Variants in TBX6 observed in about 807,000 individuals in gnomAD.
TBX6 encodes the protein T-box transcription factor TBX6.
Under a neutral mutation model 42.3 loss-of-function variants are expected in TBX6, and 29 were observed. That is an observed-to-expected ratio of 0.69 (90% CI 0.51 to 0.93). The LOEUF is 0.93. TBX6 is among the 40% of genes least tolerant of loss of function. The pLI is 0.00. For synonymous variants in TBX6, 249 were observed against 245.1 expected (o/e 1.02, Z -0.15); for missense variants, 569 against 603.3 (o/e 0.94, Z 0.59).
rs866620210 is a variant in TBX6 at position 30,086,569 on chromosome 16, T to G, written c.1040A>C (p.Glu347Ala). The G allele has an allele frequency of 1.3e-6, 2 of 1,545,788 alleles. No homozygotes were observed. The highest frequency in any genetic ancestry group is 3.6e-4 in the Middle Eastern group (2 of 5,520). The change falls in exon 8 of 9, where the codon GAG becomes GCG. Residue 347 changes from glutamate to alanine, a missense_variant. This residue lies in a region of TBX6 where 245 missense variants were observed against 227.4 expected (regional missense o/e 1.08). Coordinates refer to ENST00000395224, the MANE Select transcript of TBX6 (RefSeq NM_004608.4). The surrounding 1 kb of genome is among the most constrained non-coding windows in gnomAD (Gnocchi z 4.6). Reference protein sequence around the residue: ...PAPLCGGPSAEAYLLHPAAFH... With the variant: ...PAPLCGGPSAAAYLLHPAAFH... The stretch of plus-strand genomic sequence containing the variant: ...AGCCGCAGGGTGCAGGAGGTAGGCC[T>G]CAGCACTGGGGCCACCACACAGAGG...
Position 30,088,817 on chromosome 16 carries a change from T to A in TBX6, c.644A>T (p.Lys215Met), listed in dbSNP as rs375575717. 34 of 1,613,984 alleles carry A rather than the reference T, an allele frequency of 2.1e-5. No homozygotes were observed. Among genetic ancestry groups the A allele is most frequent in the African/African-American group, 2.7e-5 (2 of 74,910 alleles). The change falls in exon 5 of 9, where the codon AAG becomes ATG. Residue 215 changes from lysine (K) to methionine (M), a missense_variant. Around this residue, in one of 3 missense-constraint regions of TBX6, gnomAD observed 190 missense variants for 250.6 expected, o/e 0.76. Coordinates refer to ENST00000395224, the MANE Select transcript of TBX6 (RefSeq NM_004608.4). This position sits in a 1 kb window ranked among gnomAD's most constrained non-coding sequence, Gnocchi z 4.1. ...AACTAGGTGTATGCGGGGTTGGTAC[T>A]TGTGCATGGAGTGCAGGATCAGCTG... ...HGHLILHSMH[K>M]YQPRIHLVRA...
In TBX6 at chr16:30,091,313, T is replaced by G; in HGVS notation, c.-48-72A>C. ...CCAGGATCACAGCCCCTCCCCTCTT[T>G]GGGGCCCTGGAGTTGGGCTGGGGTG... is the stretch of plus-strand genomic sequence containing the variant. On this transcript the variant is annotated intron_variant, in intron 1 of 8. Transcript: ENST00000395224. The G allele has an allele frequency of 3.4e-6, 3 of 878,870 alleles. No homozygotes were observed. The South Asian group carries it at 5.4e-5, about 16-fold the overall frequency. The allele number at this position is 878,870 out of a possible 1,614,324, so 54.4% of individuals were successfully genotyped here.
Position 30,086,407 on chromosome 16 carries a change from C to G in TBX6, c.1129G>C (p.Gly377Arg), listed in dbSNP as rs373040194. The G allele has an allele frequency of 1.3e-6, 2 of 1,546,202 alleles. No individual in the cohort carries two copies. The highest frequency in any genetic ancestry group is 1.7e-6 in the Non-Finnish European group (2 of 1,153,624). ...SPSFPEAPDS[G>R]RSAPYSAAFL... ...GCAGCCGAGTAGGGGGCTGAGCGCC[C>G]GGAGTCTGGAGCCTCCGGGAAGCTG... The change falls in exon 9 of 9, where the codon GGG becomes CGG. Residue 377 changes from glycine (G) to arginine (R), a missense_variant. Around this residue, in one of 3 missense-constraint regions of TBX6, gnomAD observed 245 missense variants for 227.4 expected, o/e 1.08. Coordinates refer to ENST00000395224, the MANE Select transcript of TBX6 (RefSeq NM_004608.4). The surrounding 1 kb of genome is among the most constrained non-coding windows in gnomAD (Gnocchi z 4.6).
rs2072621139 is a variant in TBX6, at chr16:30,086,066, G to A, written c.*159C>T. 3 of 675,822 alleles carry A rather than the reference G, an allele frequency of 4.4e-6. No homozygotes were observed. The East Asian group carries it at 9.6e-5, about 22-fold the overall frequency. 41.9% of individuals were successfully genotyped at this position (675,822 alleles called of 1,614,324 possible). A position where few individuals can be genotyped will look rare whatever the true frequency, so the allele number is the denominator to read the frequency against. On this transcript the variant is annotated 3_prime_UTR_variant, in exon 9 of 9. Coordinates refer to ENST00000395224, the MANE Select transcript of TBX6 (RefSeq NM_004608.4). The surrounding 1 kb of genome is among the most constrained non-coding windows in gnomAD (Gnocchi z 4.6). ...TGGTTAGGCTTTGAAGCCAGAGGGG[G>A]GTGGGAGTGAAATCAAGGTGTGAAG...
In TBX6 at chr16:30,088,948, C is replaced by A; in HGVS notation, c.616G>T (p.Gly206Cys). ...AGTCCCAGCCTGGGCCTCACGTGGC[C>A]GTGGGGGTCCAGCGTGCTGTTGGTG... ...KLTNSTLDPH[G>C]HLILHSMHKY... Residue 206 changes from glycine to cysteine, a missense_variant, in exon 4 of 9, where the codon GGC becomes TGC. Physicochemically the swap from Gly to Cys is radical, Grantham distance 159 (BLOSUM62 -3). Coordinates refer to ENST00000395224, the MANE Select transcript of TBX6 (RefSeq NM_004608.4). This position sits in a 1 kb window ranked among gnomAD's most constrained non-coding sequence, Gnocchi z 4.1. 6.2e-7 allele frequency: 1 copy of A among 1,606,718 alleles called. No homozygotes were observed. Among genetic ancestry groups the A allele is most frequent in the South Asian group, 1.1e-5 (1 of 90,730 alleles).
chr16:30,087,021 A>G (rs1467477644), intron 6 of TBX6, 170 bp from the exon 7 acceptor site: 1 of 733,574 alleles, frequency 1.4e-6, no homozygotes, highest in Non-Finnish European at 2.2e-6. Context: ...TTAAATAACT[A>G]GAAAGTGGCA....
intron 6 of TBX6, chr16:30,087,947 T>C (rs1314394742): frequency 6.8e-6 from 1 of 146,778 alleles, no homozygotes; most frequent in Non-Finnish European, 1.5e-5. Context: ...TCTTTTTTTT[T>C]TTTTTTTTGA....
Position 30,088,842 on chromosome 16 carries a change from G to A in TBX6, c.622-3C>T. ...TTGTGCATGGAGTGCAGGATCAGCT[G>A]GGAGGGAGGAAATGGGAGTGATTCC... On this transcript the variant is annotated splice_region_variant and splice_polypyrimidine_tract_variant and intron_variant, in intron 4 of 8. Coordinates refer to ENST00000395224, the MANE Select transcript of TBX6 (RefSeq NM_004608.4). This position sits in a 1 kb window ranked among gnomAD's most constrained non-coding sequence, Gnocchi z 4.1. 1.2e-6 allele frequency: 2 copies of A among 1,613,416 alleles called. No individual in the cohort carries two copies. Among genetic ancestry groups the A allele is most frequent in the Admixed American group, 1.7e-5 (1 of 60,014 alleles).
At chr16:30,087,943 T>C (rs1227603207) in intron 6 of TBX6, 1 of 146,058 alleles carries the variant, frequency 6.8e-6, no homozygotes, top group Non-Finnish European at 1.5e-5. Context: ...TCTTTCTTTT[T>C]TTTTTTTTTT....
chr16:30,090,898 AG>A lies in TBX6; in HGVS notation c.212del (p.Pro71LeufsTer23), dbSNP rs1270818317. 6.2e-7 allele frequency: 1 copy of A among 1,611,084 alleles called. No homozygotes were observed. The highest frequency in any genetic ancestry group is 1.1e-5 in the South Asian group (1 of 90,772). On this transcript the variant is annotated frameshift_variant, in exon 3 of 9. Transcript: ENST00000395224. LOFTEE classifies it high-confidence loss of function. ...ATGGGGCCGGCTCAGTGCCCATGGC[AG>A]GGGGCAGAAGGGGCAGAGGTGGGTG... The part of the protein sequence containing the change: ...AAHPPLPLLP[P>X]AMGTEPAPSA...
intron 1 of TBX6, 44 bp from the exon 2 acceptor site, chr16:30,091,285 G>A (rs2072720730): frequency 9.2e-7 from 1 of 1,084,528 alleles, no homozygotes; most frequent in Non-Finnish European, 1.3e-6. Flanking sequence ...GCCCCTTCCA[G>A]ATCCAGGATC....
chr16:30,088,665 C>T lies in TBX6; in HGVS notation c.768+28G>A, dbSNP rs1488331192. 1.2e-6 allele frequency: 2 copies of T among 1,614,028 alleles called. No homozygotes were observed. Among genetic ancestry groups the T allele is most frequent in the Admixed American group, 1.7e-5 (1 of 60,008 alleles). On this transcript the variant is annotated intron_variant, in intron 5 of 8. Transcript: ENST00000395224. This position sits in a 1 kb window ranked among gnomAD's most constrained non-coding sequence, Gnocchi z 4.1. The stretch of plus-strand genomic sequence containing the variant: ...AGCAACTGCGGTCTGGGCAGGGGGC[C>T]ACCACCCCCTCAAGCAGGGTCACTC...
chr16:30,086,335 C>T lies in TBX6; in HGVS notation c.1201G>A (p.Ala401Thr). Residue 401 changes from alanine (A) to threonine (T), a missense_variant, in exon 9 of 9, where the codon GCT becomes ACT. Coordinates refer to ENST00000395224, the MANE Select transcript of TBX6 (RefSeq NM_004608.4). This position sits in a 1 kb window ranked among gnomAD's most constrained non-coding sequence, Gnocchi z 4.6. ...GGGGCAAAGGGTACCGCCGGTGGAG[C>T]CGCTGGGTACCCGGAGCCCCCTGAC... ...HGSGGSGYPA[A>T]PPAVPFAPHF... The T allele has an allele frequency of 6.2e-7, 1 of 1,604,118 alleles. No individual in the cohort carries two copies. Among genetic ancestry groups the T allele is most frequent in the South Asian group, 1.1e-5 (1 of 90,302 alleles).
In TBX6 at chr16:30,091,091, C is replaced by CCT. The variant is rs2072716662; in HGVS notation, c.101_102dup (p.Gly35ArgfsTer60). 6.3e-7 allele frequency: 1 copy of CCT among 1,584,108 alleles called. No individual in the cohort carries two copies. The highest frequency in any genetic ancestry group is 1.3e-5 in the African/African-American group (1 of 74,690). ...CAACGCTCACCGGGGTAGCGGTAGC[C>CCT]CTCCGCTAGGGCGGGTGGGAAGCTG... On this transcript the variant is annotated frameshift_variant, in exon 2 of 9. Coordinates refer to ENST00000395224, the MANE Select transcript of TBX6 (RefSeq NM_004608.4). LOFTEE classifies it high-confidence loss of function.
Position 30,086,297 on chromosome 16 carries a change from T to G in TBX6, c.1239A>C (p.Gln413His), listed in dbSNP as rs746279479. ...TGTATGGTAGAGGGAAGGGGCCCCC[T>G]TGGAGAAAGTGCGGGGCAAAGGGTA... is the stretch of plus-strand genomic sequence containing the variant. The part of the protein sequence containing the change: ...PAVPFAPHFL[Q>H]GGPFPLPYTA... Residue 413 changes from glutamine (Q) to histidine (H), a missense_variant, in exon 9 of 9, where the codon CAA (glutamine) becomes CAC (histidine). Around this residue, in one of 3 missense-constraint regions of TBX6, gnomAD observed 245 missense variants for 227.4 expected, o/e 1.08. Transcript: ENST00000395224. This position sits in a 1 kb window ranked among gnomAD's most constrained non-coding sequence, Gnocchi z 4.6. The G allele has an allele frequency of 1.9e-6, 3 of 1,611,668 alleles. No homozygotes were observed. Among genetic ancestry groups the G allele is most frequent in the Non-Finnish European group, 2.5e-6 (3 of 1,179,298 alleles).
At position 30,089,000 on chromosome 16, in the gene TBX6, C is replaced by A. The variant is rs759959856; in HGVS notation, c.564G>T (p.Gln188His). The change falls in exon 4 of 9, where the codon CAG (glutamine) becomes CAT (histidine). Residue 188 changes from glutamine (Q) to histidine (H), a missense_variant. By Grantham distance (24) the Gln-to-His change is conservative (BLOSUM62 0). Transcript: ENST00000395224. This position sits in a 1 kb window ranked among gnomAD's most constrained non-coding sequence, Gnocchi z 4.1. ...GCTTGACACGATGGAAAGACACAGGCTGCCGCATCCAATGTGCACCAGTGG... is the reference window on the plus strand; with the variant it reads ...GCTTGACACGATGGAAAGACACAGGATGCCGCATCCAATGTGCACCAGTGG... ...SPATGAHWMR[Q>H]PVSFHRVKLT... The A allele has an allele frequency of 1.2e-6, 2 of 1,613,788 alleles. No individual in the cohort carries two copies. The highest frequency in any genetic ancestry group is 2.2e-5 in the South Asian group (2 of 91,060).
chr16:30,089,005 G>A lies in TBX6; in HGVS notation c.559C>T (p.Arg187Trp), dbSNP rs756149466. ...ACACGATGGAAAGACACAGGCTGCC[G>A]CATCCAATGTGCACCAGTGGCAGGA... ...DSPATGAHWM[R>W]QPVSFHRVKL... The change falls in exon 4 of 9, where the codon CGG becomes TGG. Residue 187 changes from arginine (R) to tryptophan (W), a missense_variant. Arg to Trp is a moderately radical substitution (Grantham distance 101). Around this residue, in one of 3 missense-constraint regions of TBX6, gnomAD observed 190 missense variants for 250.6 expected, o/e 0.76. Coordinates refer to ENST00000395224, the MANE Select transcript of TBX6 (RefSeq NM_004608.4). 2.0e-5 allele frequency: 32 copies of A among 1,613,746 alleles called. No homozygotes were observed. The highest frequency in any genetic ancestry group is 2.2e-5 in the South Asian group (2 of 91,068).
At position 30,086,328 on chromosome 16, in the gene TBX6, G is replaced by A. The variant is rs759410943; in HGVS notation, c.1208C>T (p.Pro403Leu). 8 of 1,606,436 alleles carry A rather than the reference G, an allele frequency of 5.0e-6. No individual in the cohort carries two copies. The highest frequency in any genetic ancestry group is 6.8e-6 in the Non-Finnish European group (8 of 1,177,872). Residue 403 changes from proline (P) to leucine (L), a missense_variant, in exon 9 of 9, where the codon CCG (proline) becomes CTG (leucine). Pro to Leu is a moderately conservative substitution (Grantham distance 98). Coordinates refer to ENST00000395224, the MANE Select transcript of TBX6 (RefSeq NM_004608.4). This position sits in a 1 kb window ranked among gnomAD's most constrained non-coding sequence, Gnocchi z 4.6. ...AAAGTGCGGGGCAAAGGGTACCGCC[G>A]GTGGAGCCGCTGGGTACCCGGAGCC... is the stretch of plus-strand genomic sequence containing the variant. Reference protein sequence around the residue: ...SGGSGYPAAPPAVPFAPHFLQ... With the variant: ...SGGSGYPAAPLAVPFAPHFLQ...
Position 30,086,705 on chromosome 16 carries a change from GGGAA to G in TBX6, c.914-14_914-11del. 1 of 1,612,824 alleles carries G rather than the reference GGGAA, an allele frequency of 6.2e-7. No homozygotes were observed. Among genetic ancestry groups the G allele is most frequent in the Non-Finnish European group, 8.5e-7 (1 of 1,179,332 alleles). On this transcript the variant is annotated splice_polypyrimidine_tract_variant and intron_variant, in intron 7 of 8. Coordinates refer to ENST00000395224, the MANE Select transcript of TBX6 (RefSeq NM_004608.4). This position sits in a 1 kb window ranked among gnomAD's most constrained non-coding sequence, Gnocchi z 4.6. ...GGACCACCTGGTGTGTCTGGGGAGA[GGGAA>G]GGGAGAGGTTGGGCTAGGGAGGATC...
Sources: gnomAD v4.1 joint callset for allele counts on GRCh38, gnomAD v4.1.1 for gene constraint, gnomAD v4.1.1 regional missense constraint, Gnocchi (gnomAD v3.1) non-coding constraint, MANE v1.5 for transcripts, NCBI Gene and HGNC (gene_info 2026-07-23, HGNC 2026-07-21) for gene names.